Variants in RGS12 observed in about 807,000 individuals in gnomAD.
The protein encoded by RGS12 is regulator of G-protein signaling 12.
Under a neutral mutation model 120.1 loss-of-function variants are expected in RGS12, and 66 were observed. That is an observed-to-expected ratio of 0.55 (90% CI 0.45 to 0.67). The LOEUF is 0.67. Among genes scored for constraint, RGS12 ranks in the 30% least tolerant of loss-of-function variants. The pLI is 0.00. For synonymous variants in RGS12, 827 were observed against 804.7 expected (o/e 1.03, Z -0.47); for missense variants, 1,859 against 1,957.7 (o/e 0.95, Z 0.95).
intron 17 of RGS12, among the ~76,000 whole-genome samples, chr4:3,439,136 G>A (rs1444838114): frequency 6.6e-6 from 1 of 152,054 alleles, no homozygotes; most frequent in African/African-American, 2.4e-5. Flanking sequence ...GGGCAGTTGG[G>A]GCGGGGGCTC....
chr4:3,347,390 G>C (rs970362809), intron 3 of RGS12, among the ~76,000 whole-genome samples: 5 of 152,152 alleles, frequency 3.3e-5, no homozygotes, highest in Admixed American at 6.5e-5. Flanking sequence ...TTTGCAGTGA[G>C]CCCAGATCCC....
At chr4:3,419,338 A>G (rs919459959) in intron 9 of RGS12, 2 of 151,630 alleles carry the variant, frequency 1.3e-5, no homozygotes, top group Non-Finnish European at 2.9e-5. Context: ...CTCAAAAAAA[A>G]AAAAAAAATT....
intron 3 of RGS12, chr4:3,386,091 C>G (rs1419540367): frequency 2.7e-6 from 1 of 371,658 alleles, no homozygotes; most frequent in African/African-American, 2.1e-5. Flanking sequence ...GTGTGTGTCA[C>G]TTACAGGGCA....
At chr4:3,410,481 T>G (rs4690094) in intron 4 of RGS12, among the ~76,000 whole-genome samples, 1 of 148,232 alleles carries the variant, frequency 6.7e-6, no homozygotes, top group South Asian at 2.1e-4. Context: ...TCTGTGCCTT[T>G]GGGGGGGCTG....
chr4:3,314,043 T>A (rs911980896), intron 1 of RGS12: 2 of 151,490 alleles, frequency 1.3e-5, no homozygotes, highest in Non-Finnish European at 2.9e-5. Flanking sequence ...TAATTTTAAT[T>A]ATTTTATTTT....
intron 2 of RGS12, among the ~76,000 whole-genome samples, chr4:3,337,260 G>A (rs550131236): frequency 2.0e-5 from 3 of 152,160 alleles, no homozygotes; most frequent in Non-Finnish European, 4.4e-5. Flanking sequence ...GAGTCCTGGC[G>A]CACTGCTGGG....
chr4:3,294,541 T>C (rs1445236200), intron 1 of RGS12, among the ~76,000 whole-genome samples: 1 of 152,206 alleles, frequency 6.6e-6, no homozygotes, highest in East Asian at 1.9e-4. Flanking sequence ...CTTGAGATGA[T>C]GGGTATCCGG....
intron 3 of RGS12, among the ~76,000 whole-genome samples, chr4:3,351,229 C>T (rs1293584687): frequency 6.6e-6 from 1 of 151,908 alleles, no homozygotes; most frequent in East Asian, 1.9e-4. Flanking sequence ...ACAAAATTTT[C>T]AGGTTGCCTT....
chr4:3,319,241 G>A (rs963512287), intron 2 of RGS12, among the ~76,000 whole-genome samples: 4 of 152,162 alleles, frequency 2.6e-5, no homozygotes, highest in African/African-American at 9.7e-5. Context: ...CGTGAGCTGT[G>A]TTGCAGCCAC....
At position 3,373,948 on chromosome 4, in the gene RGS12, C is replaced by T. The variant is rs1166131845; in HGVS notation, c.1999-12468C>T. Among the ~76,000 whole-genome samples the T allele has an allele frequency of 2.6e-5, 4 of 152,308 alleles. No homozygotes were observed. The East Asian group carries it at 7.7e-4, about 29-fold the overall frequency. Reference sequence around the variant, plus strand: ...TTCTTTTCATTAAGAAATTGGACACCTTGTGCTGTAAGCTGTCCGTCCATG... The same window carrying T: ...TTCTTTTCATTAAGAAATTGGACACTTTGTGCTGTAAGCTGTCCGTCCATG... On this transcript the variant is annotated intron_variant, in intron 3 of 17. Transcript: ENST00000336727.
chr4:3,306,288 G>A (rs1214716713), intron 1 of RGS12, among the ~76,000 whole-genome samples: 1 of 152,216 alleles, frequency 6.6e-6, no homozygotes, highest in Non-Finnish European at 1.5e-5. Flanking sequence ...AGCATTGGGG[G>A]CCGCCTGGCA....
chr4:3,350,747 G>T (rs77765517), intron 3 of RGS12, among the ~76,000 whole-genome samples: 4,697 of 152,094 alleles, frequency 0.031, 217 homozygotes, highest in African/African-American at 0.1. Context: ...AAAGCATTTG[G>T]GTTAATTACT....
rs372420105 is a variant in RGS12, at chr4:3,317,928, G to A, written c.1758G>A (p.Val586=). 3.1e-6 allele frequency: 5 copies of A among 1,614,186 alleles called. No individual in the cohort carries two copies. Among genetic ancestry groups the A allele is most frequent in the Non-Finnish European group, 4.2e-6 (5 of 1,180,034 alleles). ...MSKIPADRYR[V]EGSFAQPPLN... The stretch of plus-strand genomic sequence containing the variant: ...AGATCCCCGCAGACCGCTACAGGGT[G>A]GAGGGCAGCTTCGCGCAGCCCCCGC... Residue 586 remains valine (V), a synonymous_variant, in exon 2 of 18, where the codon GTG becomes GTA. Coordinates refer to ENST00000336727, the MANE Select transcript of RGS12 (RefSeq NM_001394154.1).
chr4:3,347,385 A>G (rs1713910177), intron 3 of RGS12, among the ~76,000 whole-genome samples: 1 of 152,178 alleles, frequency 6.6e-6, no homozygotes, highest in Admixed American at 6.5e-5. Flanking sequence ...CGGAGTTTGC[A>G]GTGAGCCCAG....
chr4:3,415,448 C>T (rs1262950059), intron 6 of RGS12, among the ~76,000 whole-genome samples: 3 of 152,156 alleles, frequency 2.0e-5, no homozygotes, highest in Admixed American at 6.5e-5. Context: ...GAGGAAGGAA[C>T]GTGTATTTAG....
intron 8 of RGS12, 106 bp downstream of exon 8, chr4:3,417,198 G>T: frequency 7.4e-7 from 1 of 1,359,028 alleles, no homozygotes; most frequent in South Asian, 1.5e-5. Context: ...TTCACCAGTG[G>T]TGGGTGACGC....
At chr4:3,405,417 A>G (rs1171410402) in intron 4 of RGS12, among the ~76,000 whole-genome samples, 1 of 152,208 alleles carries the variant, frequency 6.6e-6, no homozygotes, top group Non-Finnish European at 1.5e-5. Flanking sequence ...AGCCAAGCCC[A>G]AACTGAGGGG....
chr4:3,362,709 CTG>C (rs1200898583), intron 3 of RGS12, among the ~76,000 whole-genome samples: 4 of 50,318 alleles, frequency 7.9e-5, no homozygotes, highest in Admixed American at 2.0e-4. Flanking sequence ...GTGTGTGAGG[CTG>C]TGTGAGGGTG....
intron 1 of RGS12, chr4:3,315,067 T>C (rs896981366): frequency 9.9e-5 from 15 of 152,248 alleles, no homozygotes; most frequent in African/African-American, 3.6e-4. Context: ...TCTAGTGGGC[T>C]TCCCTGGTGA....
Sources: allele counts gnomAD v4.1 joint callset (sites outside exome capture counted in the v4.1 genomes callset), GRCh38; gene constraint gnomAD v4.1.1; transcripts MANE v1.5; gene names NCBI Gene and HGNC (gene_info 2026-07-23, HGNC 2026-07-21).